Variants in FLNA observed in about 807,000 individuals in gnomAD.
FLNA encodes filamin-A.
In FLNA, 7 loss-of-function variants were observed where a neutral mutation model predicts 157.6. The observed-to-expected ratio is 0.04, with a 90% CI of 0.03 to 0.08. The LOEUF (loss-of-function observed/expected upper bound fraction) is 0.08. FLNA is among the 10% of genes least tolerant of loss of function. FLNA has a pLI of 1.00. For missense variants in FLNA, 1,750 were observed against 2,398.4 expected, an observed-to-expected ratio of 0.73 and a Z score of 5.65; for synonymous variants, 1,103 against 1,060.8, an observed-to-expected ratio of 1.04 and a Z score of -0.77.
Position 154,357,591 on chromosome X carries a change from G to A in FLNA, c.4788C>T (p.Ile1596=), listed in dbSNP as rs1557177108. ...TATACGTGCCGTCATGGTTGTCTTG[G>A]ATGTGTGTCTTCTTCGGCTTGCCTT... ...DPEGKPKKTH[I]QDNHDGTYTV... is the part of the protein sequence containing the mutation. The change falls in exon 29 of 48, where the codon ATC becomes ATT. Residue 1596 remains isoleucine, a synonymous_variant. Coordinates refer to ENST00000369850, the MANE Select transcript of FLNA (RefSeq NM_001110556.2). 2 of 1,212,133 alleles carry A rather than the reference G, an allele frequency of 1.6e-6. No homozygotes were observed. Among genetic ancestry groups the A allele is most frequent in the Non-Finnish European group, 2.2e-6 (2 of 895,508 alleles).
chrX:154,362,080 C>T lies in FLNA; in HGVS notation c.2725G>A (p.Val909Ile), dbSNP rs199911951. Residue 909 changes from valine to isoleucine, a missense_variant, in exon 19 of 48, where the codon GTC becomes ATC. Physicochemically the swap from Val to Ile is conservative, Grantham distance 29 (BLOSUM62 3). This residue lies in a region of FLNA where 648 missense variants were observed against 805.8 expected (regional missense o/e 0.80). Transcript: ENST00000369850. ...CCCTTGGTGAGTCCTGAGAACTGGACGTCCAGCTTGCCTTTGCCAGCAGCT... is the reference window on the plus strand; with the variant it reads ...CCCTTGGTGAGTCCTGAGAACTGGATGTCCAGCTTGCCTTTGCCAGCAGCT... Reference protein sequence around the residue: ...AKAAGKGKLDVQFSGLTKGDA... With the variant: ...AKAAGKGKLDIQFSGLTKGDA... The T allele has an allele frequency of 3.5e-4, 420 of 1,209,268 alleles. No individual in the cohort carries two copies. Among genetic ancestry groups the T allele is most frequent in the Non-Finnish European group, 4.5e-4 (405 of 894,596 alleles).
At chrX:154,352,144 G>A (rs781842984) in intron 41 of FLNA, 37 bp downstream of exon 41, 28 of 1,207,895 alleles carry the variant, frequency 2.3e-5, no homozygotes, top group East Asian at 1.8e-4. Context: ...CCTGGCCAAC[G>A]CAGGAGAGCG....
rs79391751 is a variant in FLNA, at chrX:154,360,525, G to A, written c.3270C>T (p.Ile1090=). 4,446 of 1,209,797 alleles carry A rather than the reference G, an allele frequency of 3.7e-3. 103 individuals carry two copies. In the African/African-American group the frequency reaches 0.064, roughly 18 times the overall value. Residue 1090 remains isoleucine, a synonymous_variant, in exon 22 of 48, where the codon ATC becomes ATT. Coordinates refer to ENST00000369850, the MANE Select transcript of FLNA (RefSeq NM_001110556.2). ...GSAGSPARFT[I]DTKGAGTGGL... is the part of the protein sequence containing the mutation. ...CACCTGTGCCGGCGCCCTTGGTGTC[G>A]ATGGTGAAGCGGGCGGGGGAGCCCG...
intron 2 of FLNA, among the ~76,000 whole-genome samples, chrX:154,369,326 C>A (rs1371873407): frequency 2.7e-5 from 3 of 112,577 alleles, no homozygotes; most frequent in African/African-American, 9.7e-5. Context: ...CAGGGCTTCC[C>A]ATCAGGCCCC....
rs782806277 is a variant in FLNA, at chrX:154,368,650, C to T, written c.374-560G>A. On this transcript the variant is annotated intron_variant, in intron 2 of 47. Coordinates refer to ENST00000369850, the MANE Select transcript of FLNA (RefSeq NM_001110556.2). ...AGGGGAAGTGGGGGAGTTGGGCAAA[C>T]GCCCTTTGGGTGAGGGATTGTGACC... Among the ~76,000 whole-genome samples the T allele has an allele frequency of 1.1e-3, 126 of 112,418 alleles. 1 individual carries two copies. Among genetic ancestry groups the T allele is most frequent in the African/African-American group, 3.8e-3 (117 of 30,970 alleles).
At position 154,365,430 on chromosome X, in the gene FLNA, G is replaced by A. The variant is rs868994092; in HGVS notation, c.1486C>T (p.Arg496Trp). The A allele has an allele frequency of 9.1e-6, 11 of 1,211,287 alleles. No homozygotes were observed. Among genetic ancestry groups the A allele is most frequent in the Non-Finnish European group, 1.2e-5 (11 of 895,288 alleles). Residue 496 changes from arginine to tryptophan, a missense_variant, in exon 10 of 48, where the codon CGG becomes TGG. Transcript: ENST00000369850. ...VGRGLQPKGV[R>W]VKETADFKVY... ...TTGAAGTCAGCTGTCTCCTTCACCCGCACACCCTTGGGCTGGAGGCCCCGG... is the reference window on the plus strand; with the variant it reads ...TTGAAGTCAGCTGTCTCCTTCACCCACACACCCTTGGGCTGGAGGCCCCGG...
chrX:154,370,738 G>A (rs2067799731), intron 2 of FLNA, 135 bp downstream of exon 2: 2 of 712,308 alleles, frequency 2.8e-6, no homozygotes, highest in African/African-American at 4.3e-5. Context: ...GGCCCGCGTG[G>A]AGCAGAGCAG....
chrX:154,364,104 C>T lies in FLNA; in HGVS notation c.2198G>A (p.Cys733Tyr). 8.3e-7 allele frequency: 1 copy of T among 1,210,411 alleles called. No homozygotes were observed. The highest frequency in any genetic ancestry group is 1.1e-6 in the Non-Finnish European group (1 of 894,567). ...CACCGGCTTCCTGGGCACGTAGGAG[C>T]AGCTGTAAGTGCCATTGCCGTTGTC... ...VKDNGNGTYS[C>Y]SYVPRKPVKH... The change falls in exon 15 of 48, where the codon TGC (cysteine) becomes TAC (tyrosine). Residue 733 changes from cysteine (C) to tyrosine (Y), a missense_variant. Coordinates refer to ENST00000369850, the MANE Select transcript of FLNA (RefSeq NM_001110556.2).
intron 43 of FLNA, 198 bp from the exon 44 acceptor site, chrX:154,351,239 C>T (rs1557175707): frequency 8.4e-6 from 4 of 475,442 alleles, no homozygotes; most frequent in East Asian, 7.4e-5. Flanking sequence ...CACACTCTGC[C>T]GTCGCACACA....
chrX:154,368,175 C>T lies in FLNA; in HGVS notation c.374-85G>A, dbSNP rs782254606. 3.6e-5 allele frequency: 43 copies of T among 1,180,078 alleles called. No individual in the cohort carries two copies. In the East Asian group the frequency reaches 8.6e-4, roughly 24 times the overall value. ...GCTTTGGGGTCAGGGTCTGGCAGCACGGGGTAGCAGGGGCCAAGGAGGAGG... is the reference window on the plus strand; with the variant it reads ...GCTTTGGGGTCAGGGTCTGGCAGCATGGGGTAGCAGGGGCCAAGGAGGAGG... On this transcript the variant is annotated intron_variant, in intron 2 of 47. Coordinates refer to ENST00000369850, the MANE Select transcript of FLNA (RefSeq NM_001110556.2).
At chrX:154,369,499 GCCCCATCCCACCCCCCTTT>G (rs1472512167) in intron 2 of FLNA, among the ~76,000 whole-genome samples, 1 of 37,712 alleles carries the variant, frequency 2.7e-5, no homozygotes, top group African/African-American at 1.0e-4. Flanking sequence ...GGATGGCCCC[GCCCCATCCCACCCCCCTTT>G]CCCCAGCCCC....
At position 154,348,568 on chromosome X, in the gene FLNA, G is replaced by A. The variant is rs782171179; in HGVS notation, c.*281C>T. The A allele has an allele frequency of 2.7e-5, 9 of 331,189 alleles. No individual in the cohort carries two copies. Among genetic ancestry groups the A allele is most frequent in the South Asian group, 1.9e-4 (2 of 10,564 alleles). The allele number at this position is 331,189 out of a possible 1,213,427, so 27.3% of individuals were successfully genotyped here. ...AACTTTATTCCTCTTGGCTGGAGAA[G>A]AGAACTAGTGGGTGGTTGTGTACAG... is the stretch of plus-strand genomic sequence containing the variant. On this transcript the variant is annotated 3_prime_UTR_variant, in exon 48 of 48. Transcript: ENST00000369850.
rs1416132140 is a variant in FLNA at position 154,366,405 on chromosome X, T to C, written c.1131A>G (p.Ser377=). ...CTGTCACTTTGCTGGCGTCACCCTGTGACTTATCCACGTACACCTCGAAGG... is the reference window on the plus strand; with the variant it reads ...CTGTCACTTTGCTGGCGTCACCCTGCGACTTATCCACGTACACCTCGAAGG... ...KSPFEVYVDK[S]QGDASKVTAQ... The change falls in exon 8 of 48, where the codon TCA becomes TCG. Residue 377 remains serine, a synonymous_variant. Transcript: ENST00000369850. 9.1e-6 allele frequency: 11 copies of C among 1,210,576 alleles called. No homozygotes were observed. The highest frequency in any genetic ancestry group is 1.8e-5 in the South Asian group (1 of 56,919).
chrX:154,349,182 C>A, intron 47 of FLNA, 146 bp from the exon 48 acceptor site: 1 of 768,653 alleles, frequency 1.3e-6, no homozygotes, highest in Admixed American at 2.6e-5. Context: ...CCCAGGCCAG[C>A]TTAGCAGATT....
Position 154,364,709 on chromosome X carries a change from C to T in FLNA, c.1839G>A (p.Val613=), listed in dbSNP as rs1197402560. Residue 613 remains valine, a synonymous_variant, in exon 13 of 48, where the codon GTG becomes GTA. Coordinates refer to ENST00000369850, the MANE Select transcript of FLNA (RefSeq NM_001110556.2). The part of the protein sequence containing the change: ...GDDVGTLGFS[V]EGPSQAKIEC... ...CGATCTTAGCCTGCGATGGCCCTTC[C>T]ACCGAGAAGCCTGACAACAGCCACC... The T allele has an allele frequency of 1.7e-6, 2 of 1,210,335 alleles. No individual in the cohort carries two copies. Among genetic ancestry groups the T allele is most frequent in the African/African-American group, 3.5e-5 (2 of 57,659 alleles).
In FLNA at chrX:154,349,877, CAGG is replaced by C. The variant is rs1275563532; in HGVS notation, c.7334-13_7334-11del. 6.6e-6 allele frequency: 8 copies of C among 1,207,273 alleles called. No homozygotes were observed. The highest frequency in any genetic ancestry group is 7.8e-6 in the Non-Finnish European group (7 of 891,906). ...AACTCAGCTGGGTTCCCTGGGAGCACAGGAGGTCAGGCAGAGCCAGACTGGCCT... is the reference window on the plus strand; with the variant it reads ...AACTCAGCTGGGTTCCCTGGGAGCACAGGTCAGGCAGAGCCAGACTGGCCT... On this transcript the variant is annotated splice_polypyrimidine_tract_variant and intron_variant, in intron 45 of 47. Transcript: ENST00000369850.
At position 154,357,575 on chromosome X, in the gene FLNA, C is replaced by T. The variant is rs782780465; in HGVS notation, c.4804G>A (p.Gly1602Ser). ...GGCACGTAGGCCACTGTATACGTGCCGTCATGGTTGTCTTGGATGTGTGTC... is the reference window on the plus strand; with the variant it reads ...GGCACGTAGGCCACTGTATACGTGCTGTCATGGTTGTCTTGGATGTGTGTC... Reference protein sequence around the residue: ...KKTHIQDNHDGTYTVAYVPDV... With the variant: ...KKTHIQDNHDSTYTVAYVPDV... The change falls in exon 29 of 48, where the codon GGC becomes AGC. Residue 1602 changes from glycine (G) to serine (S), a missense_variant. This residue lies in a region of FLNA where 970 missense variants were observed against 1,302.6 expected (regional missense o/e 0.74). Coordinates refer to ENST00000369850, the MANE Select transcript of FLNA (RefSeq NM_001110556.2). 6.6e-6 allele frequency: 8 copies of T among 1,211,840 alleles called. No homozygotes were observed. Among genetic ancestry groups the T allele is most frequent in the East Asian group, 3.0e-5 (1 of 33,846 alleles).
Position 154,354,830 on chromosome X carries a change from C to G in FLNA, c.5212G>C (p.Val1738Leu), listed in dbSNP as rs1557176580. 8.3e-7 allele frequency: 1 copy of G among 1,211,954 alleles called. No individual in the cohort carries two copies. Among genetic ancestry groups the G allele is most frequent in the South Asian group, 1.8e-5 (1 of 57,053 alleles). The part of the protein sequence containing the change: ...GEHVPNSPFQ[V>L]TALAGDQPSV... ...TACCCCCCACCCCTCCTCACCGTCACTTGGAAGGGGCTGTTGGGCACGTGC... is the reference window on the plus strand; with the variant it reads ...TACCCCCCACCCCTCCTCACCGTCAGTTGGAAGGGGCTGTTGGGCACGTGC... Residue 1738 changes from valine to leucine, a missense_variant, in exon 31 of 48, where the codon GTG (valine) becomes CTG (leucine). Coordinates refer to ENST00000369850, the MANE Select transcript of FLNA (RefSeq NM_001110556.2).
chrX:154,367,500 G>A lies in FLNA; in HGVS notation c.765C>T (p.His255=), dbSNP rs782477437. ...ACTGGGACAGGTAGGTCATGACAGAGTGCTCGTCCACGTTGGGGTCCACAA... is the reference window on the plus strand; with the variant it reads ...ACTGGGACAGGTAGGTCATGACAGAATGCTCGTCCACGTTGGGGTCCACAA... ...EEIVDPNVDE[H]SVMTYLSQFP... Residue 255 remains histidine (H), a synonymous_variant, in exon 5 of 48, where the codon CAC becomes CAT. Transcript: ENST00000369850. 8.3e-7 allele frequency: 1 copy of A among 1,211,552 alleles called. No homozygotes were observed. Among genetic ancestry groups the A allele is most frequent in the Non-Finnish European group, 1.1e-6 (1 of 895,355 alleles).
Sources: allele counts gnomAD v4.1 joint callset (sites outside exome capture counted in the v4.1 genomes callset), GRCh38; gene constraint gnomAD v4.1.1; regional missense constraint gnomAD v4.1.1; transcripts MANE v1.5; gene names NCBI Gene and HGNC (gene_info 2026-07-23, HGNC 2026-07-21).